Variants in TANK observed in about 807,000 individuals in gnomAD.
TANK encodes TRAF family member associated NFKB activator, also known as TRAF family member-associated NF-kappa-B activator.
Under a neutral mutation model 43.6 loss-of-function variants are expected in TANK, and 15 were observed. That is an observed-to-expected ratio of 0.34 (90% confidence interval 0.23 to 0.53). The LOEUF (loss-of-function observed/expected upper bound fraction) is 0.53. Among genes scored for constraint, TANK ranks in the 20% least tolerant of loss-of-function variants. The pLI is 0.94. For missense variants in TANK, 417 were observed against 498.6 expected, an observed-to-expected ratio of 0.84 and a Z score of 1.56; for synonymous variants, 162 against 178.2, an observed-to-expected ratio of 0.91 and a Z score of 0.73.
At chr2:161,146,111 A>G (rs1021687368) in intron 1 of TANK, among the ~76,000 whole-genome samples, 2 of 152,122 alleles carry the variant, frequency 1.3e-5, no homozygotes, top group East Asian at 3.9e-4. Flanking sequence ...TGCTTGGTCA[A>G]TTCGGCTATT....
At chr2:161,196,752 A>G (rs1686170243) in intron 2 of TANK, among the ~76,000 whole-genome samples, 1 of 152,142 alleles carries the variant, frequency 6.6e-6, no homozygotes, top group Non-Finnish European at 1.5e-5. Flanking sequence ...GCTACTCAGG[A>G]GACTGAGGCA....
intron 1 of TANK, among the ~76,000 whole-genome samples, chr2:161,179,037 A>G (rs1352920843): frequency 1.3e-5 from 2 of 152,182 alleles, no homozygotes; most frequent in Non-Finnish European, 2.9e-5. Context: ...TAGTGGGGGT[A>G]GGACTGAAGG....
intron 1 of TANK, chr2:161,160,822 G>C (rs1051281446): frequency 7.5e-6 from 4 of 534,868 alleles, no homozygotes; most frequent in African/African-American, 5.7e-5. Flanking sequence ...GCGGTGTCGA[G>C]GTGAGCAGTG....
At chr2:161,208,076 G>C (rs560204478) in intron 4 of TANK, 5 of 871,406 alleles carry the variant, frequency 5.7e-6, no homozygotes, top group Non-Finnish European at 6.9e-6. Context: ...TCTGTTTGGT[G>C]GGTGGTTTGA....
chr2:161,176,848 T>C (rs1282439192), intron 1 of TANK, among the ~76,000 whole-genome samples: 2 of 152,104 alleles, frequency 1.3e-5, no homozygotes, highest in Non-Finnish European at 2.9e-5. Context: ...ATATTGACAA[T>C]TTTTCATGAC....
At chr2:161,216,944 A>C (rs1242651494) in intron 4 of TANK, among the ~76,000 whole-genome samples, 1 of 152,204 alleles carries the variant, frequency 6.6e-6, no homozygotes, top group Non-Finnish European at 1.5e-5. Flanking sequence ...CAGAGGAGAA[A>C]GTGCTTCCTA....
intron 4 of TANK, chr2:161,207,929 C>T (rs1686719701): frequency 1.0e-6 from 1 of 960,454 alleles, no homozygotes; most frequent in Admixed American, 6.2e-5. Flanking sequence ...TGGTCTTCTG[C>T]AAAACTAACC....
intron 4 of TANK, chr2:161,207,618 G>T: frequency 1.0e-6 from 1 of 985,300 alleles, no homozygotes; most frequent in Non-Finnish European, 1.2e-6. Context: ...AAAAAATTAG[G>T]CCTATGTTAG....
chr2:161,174,951 G>A (rs928320463), intron 1 of TANK, among the ~76,000 whole-genome samples: 5 of 152,194 alleles, frequency 3.3e-5, no homozygotes, highest in South Asian at 2.1e-4. Context: ...GATGACTGCC[G>A]TTTGATAATT....
intron 1 of TANK, among the ~76,000 whole-genome samples, chr2:161,177,589 A>G (rs1685224925): frequency 6.6e-6 from 1 of 152,128 alleles, no homozygotes; most frequent in South Asian, 2.1e-4. Flanking sequence ...AAAAAGAAAC[A>G]ATTGAAAATC....
intron 2 of TANK, among the ~76,000 whole-genome samples, chr2:161,187,859 A>G (rs940065809): frequency 4.6e-5 from 7 of 152,216 alleles, no homozygotes; most frequent in African/African-American, 1.7e-4. Context: ...TGCTAAGTAT[A>G]TTTTCTAATC....
intron 2 of TANK, among the ~76,000 whole-genome samples, chr2:161,183,981 A>G (rs1573999347): frequency 6.6e-6 from 1 of 152,272 alleles, no homozygotes; most frequent in South Asian, 2.1e-4. Context: ...AGCACAGAGA[A>G]GAGACACTTG....
chr2:161,212,068 T>C (rs1161018854), intron 4 of TANK: 2 of 806,172 alleles, frequency 2.5e-6, no homozygotes, highest in African/African-American at 3.8e-5. Context: ...ATAAACTTTT[T>C]TTTTTTTTTT....
intron 1 of TANK, among the ~76,000 whole-genome samples, chr2:161,171,483 A>T (rs1684936116): frequency 6.6e-6 from 1 of 152,194 alleles, no homozygotes. Flanking sequence ...GAAATTAAAA[A>T]CAAGGGATAT....
At chr2:161,219,670 T>G in intron 4 of TANK, 1 of 426,884 alleles carries the variant, frequency 2.3e-6, no homozygotes, top group Non-Finnish European at 4.7e-6. Context: ...GGTCCTGTTT[T>G]ATACCTTAAT....
intron 2 of TANK, among the ~76,000 whole-genome samples, chr2:161,190,060 G>T (rs1459803913): frequency 6.6e-6 from 1 of 152,120 alleles, no homozygotes; most frequent in Non-Finnish European, 1.5e-5. Context: ...CAGAATAAAA[G>T]AAAATATTTG....
intron 4 of TANK, 194 bp from the exon 5 acceptor site, chr2:161,223,721 T>C: frequency 2.6e-6 from 1 of 382,030 alleles, no homozygotes; most frequent in Non-Finnish European, 4.8e-6. Flanking sequence ...CCTTCTTCAT[T>C]TTCCTTTTTC....
intron 4 of TANK, chr2:161,216,425 C>T: frequency 2.1e-6 from 1 of 470,140 alleles, no homozygotes; most frequent in Non-Finnish European, 4.4e-6. Flanking sequence ...GCTCTTGCTT[C>T]TCATCTTATC....
intron 1 of TANK, among the ~76,000 whole-genome samples, chr2:161,168,498 G>A (rs1684794823): frequency 6.6e-6 from 1 of 151,792 alleles, no homozygotes; most frequent in Non-Finnish European, 1.5e-5. Context: ...GAATCCTAGG[G>A]ACAAAAAGAA....
Sources: gnomAD v4.1 joint callset for allele counts (sites outside exome capture counted in the v4.1 genomes callset) on GRCh38, gnomAD v4.1.1 for gene constraint, MANE v1.5 for transcripts, NCBI Gene and HGNC (gene_info 2026-07-23, HGNC 2026-07-21) for gene names.